IRF2: variants seen among roughly 807,000 people sequenced by gnomAD.
IRF2 encodes the protein interferon regulatory factor 2.
Under a neutral mutation model 40.6 loss-of-function variants are expected in IRF2, and 15 were observed. The ratio of observed to expected loss-of-function variants is 0.37; its 90% CI spans 0.25 to 0.57. IRF2 has a LOEUF of 0.57. Ranked by LOEUF, IRF2 falls within the 20% of genes least tolerant of loss-of-function variation. IRF2 has a pLI of 0.77. For synonymous variants in IRF2, 151 were observed against 165.5 expected (o/e 0.91, Z 0.67); for missense variants, 317 against 455.7 (o/e 0.70, Z 2.77).
chr4:184,431,847 A>G (rs975482257), intron 1 of IRF2: 1 of 138,864 alleles, frequency 7.2e-6, no homozygotes, highest in African/African-American at 2.6e-5. Flanking sequence ...TGTTTCTCAC[A>G]AATAACCAGT....
At chr4:184,389,816 T>C (rs1460534497) in intron 8 of IRF2, among the ~76,000 whole-genome samples, 1 of 152,154 alleles carries the variant, frequency 6.6e-6, no homozygotes, top group African/African-American at 2.4e-5. Context: ...CCAACCTGCA[T>C]TTTCAGAGAA....
chr4:184,447,640 G>A (rs1021834931), intron 1 of IRF2, among the ~76,000 whole-genome samples: 17 of 152,146 alleles, frequency 1.1e-4, no homozygotes, highest in East Asian at 3.8e-4. Context: ...TCAAATGAAC[G>A]TTACGAATTA....
intron 1 of IRF2, among the ~76,000 whole-genome samples, chr4:184,432,862 G>A (rs1283498183): frequency 1.3e-5 from 2 of 152,190 alleles, no homozygotes; most frequent in Non-Finnish European, 2.9e-5. Flanking sequence ...AGACCCTTGA[G>A]GCAGAGCAGG....
intron 5 of IRF2, among the ~76,000 whole-genome samples, chr4:184,414,246 C>T (rs1737182281): frequency 6.6e-6 from 1 of 152,254 alleles, no homozygotes; most frequent in African/African-American, 2.4e-5. Context: ...TGTTCTTGGC[C>T]TTGTCTGAAG....
At chr4:184,460,691 A>G (rs996765784) in intron 1 of IRF2, among the ~76,000 whole-genome samples, 4 of 151,798 alleles carry the variant, frequency 2.6e-5, no homozygotes, top group Admixed American at 6.6e-5. Context: ...GCACGCACAC[A>G]CACACATGCA....
Position 184,388,984 on chromosome 4 carries a change from G to C in IRF2, c.824C>G (p.Pro275Arg), listed in dbSNP as rs2149889335. The C allele has an allele frequency of 6.2e-7, 1 of 1,614,172 alleles. No homozygotes were observed. Among genetic ancestry groups the C allele is most frequent in the Non-Finnish European group, 8.5e-7 (1 of 1,180,010 alleles). Residue 275 changes from proline to arginine, a missense_variant, in exon 9 of 9, where the codon CCC becomes CGC. Transcript: ENST00000393593. The surrounding 1 kb of genome is among the most constrained non-coding windows in gnomAD (Gnocchi z 4.6). ...GGAAGTGACGAAGGACGCCATGCCG[G>C]GCAGCAGGTAGGAGCCTCGAGTCCC... ...NMGTRGSYLLPGMASFVTSNK... is the reference protein window; with the variant it reads ...NMGTRGSYLLRGMASFVTSNK...
At chr4:184,422,294 T>G (rs1737510914) in intron 2 of IRF2, among the ~76,000 whole-genome samples, 1 of 152,162 alleles carries the variant, frequency 6.6e-6, no homozygotes, top group Admixed American at 6.5e-5. Flanking sequence ...CAAACGTTGG[T>G]GAGGATGTGG....
intron 2 of IRF2, 105 bp downstream of exon 2, chr4:184,428,873 A>C: frequency 1.1e-6 from 1 of 922,604 alleles, no homozygotes; most frequent in Non-Finnish European, 1.8e-6. Flanking sequence ...TTTGTCATGA[A>C]TAAGCCTAAG....
chr4:184,398,373 G>A (rs1157961057), intron 7 of IRF2, among the ~76,000 whole-genome samples: 1 of 152,084 alleles, frequency 6.6e-6, no homozygotes, highest in Non-Finnish European at 1.5e-5. Context: ...AATGTTATGG[G>A]AGGCCAGGCA....
At chr4:184,447,776 T>C (rs1738566687) in intron 1 of IRF2, among the ~76,000 whole-genome samples, 1 of 152,218 alleles carries the variant, frequency 6.6e-6, no homozygotes, top group African/African-American at 2.4e-5. Context: ...ACACATTCTC[T>C]AAGAAAATTG....
intron 5 of IRF2, among the ~76,000 whole-genome samples, chr4:184,411,145 C>T (rs1186592132): frequency 2.0e-5 from 3 of 151,916 alleles, no homozygotes; most frequent in Admixed American, 2.0e-4. Context: ...GCAACCTCCA[C>T]CTCCCGGGTT....
intron 1 of IRF2, among the ~76,000 whole-genome samples, chr4:184,459,459 C>T (rs999703685): frequency 6.6e-6 from 1 of 152,208 alleles, no homozygotes; most frequent in African/African-American, 2.4e-5. Flanking sequence ...ATCTGATTCT[C>T]ACTTACCCAT....
At chr4:184,428,288 T>C (rs1737744040) in intron 2 of IRF2, among the ~76,000 whole-genome samples, 1 of 152,028 alleles carries the variant, frequency 6.6e-6, no homozygotes. Flanking sequence ...AATGCTCCAT[T>C]CCTAATATAA....
chr4:184,432,999 C>A (rs1164474930), intron 1 of IRF2, among the ~76,000 whole-genome samples: 2 of 152,174 alleles, frequency 1.3e-5, no homozygotes, highest in Non-Finnish European at 2.9e-5. Flanking sequence ...GCTGCAAAGG[C>A]CCTGAGGCAA....
chr4:184,390,698 C>T lies in IRF2; in HGVS notation c.741+5G>A, dbSNP rs1171050557. On this transcript the variant is annotated splice_donor_5th_base_variant and intron_variant, in intron 8 of 8. Coordinates refer to ENST00000393593, the MANE Select transcript of IRF2 (RefSeq NM_002199.4). ...GCATCGTGGGCAGGCTGGGCAGTGG[C>T]TTACCTCGGCACTCTCTTCATCGCT... 6.2e-7 allele frequency: 1 copy of T among 1,614,186 alleles called. No individual in the cohort carries two copies. Among genetic ancestry groups the T allele is most frequent in the Non-Finnish European group, 8.5e-7 (1 of 1,180,026 alleles).
intron 1 of IRF2, among the ~76,000 whole-genome samples, chr4:184,438,101 C>T (rs959871735): frequency 6.6e-6 from 1 of 152,158 alleles, no homozygotes; most frequent in African/African-American, 2.4e-5. Context: ...AGAGCCTGAC[C>T]CTCAGCCCAA....
chr4:184,412,004 TTAAAAAAAA>T (rs1175470874), intron 5 of IRF2, among the ~76,000 whole-genome samples: 3 of 80,246 alleles, frequency 3.7e-5, no homozygotes, highest in Middle Eastern at 6.3e-3. Context: ...GCTCCAAAGA[TTAAAAAAAA>T]AAAAAAAAAA....
intron 1 of IRF2, among the ~76,000 whole-genome samples, chr4:184,450,032 C>T (rs1738659999): frequency 6.6e-6 from 1 of 152,142 alleles, no homozygotes; most frequent in Non-Finnish European, 1.5e-5. Context: ...ATCTTGGGGC[C>T]AGATAAAGTC....
intron 5 of IRF2, among the ~76,000 whole-genome samples, chr4:184,410,988 C>T (rs965642371): frequency 6.6e-6 from 1 of 151,968 alleles, no homozygotes; most frequent in Non-Finnish European, 1.5e-5. Flanking sequence ...CTTAAGAAGC[C>T]CTTGTATCCT....
Sources: allele counts gnomAD v4.1 joint callset (sites outside exome capture counted in the v4.1 genomes callset), GRCh38; gene constraint gnomAD v4.1.1; non-coding constraint Gnocchi (gnomAD v3.1); transcripts MANE v1.5; gene names NCBI Gene and HGNC (gene_info 2026-07-23, HGNC 2026-07-21).